The following OR14A2 variants were observed in gnomAD, a reference collection of about 807,000 sequenced individuals.
The protein encoded by OR14A2 is olfactory receptor 14A2.
For synonymous variants in OR14A2, 114 were observed against 58.6 expected, an observed-to-expected ratio of 1.95 and a Z score of -4.32; for missense variants, 237 against 152.9, an observed-to-expected ratio of 1.55 and a Z score of -2.90.
exon 1 of OR14A2, chr1:247,723,219 G>T: frequency 1.4e-6 from 1 of 717,678 alleles, no homozygotes; most frequent in Non-Finnish European, 2.6e-6. Context: ...TCACAGTGTA[G>T]ATCACAGAAA....
the OR14A2 span, chr1:247,739,450 C>T: frequency 2.6e-6 from 2 of 780,806 alleles, no homozygotes; most frequent in South Asian, 2.7e-5. Context: ...TATTCTGTCG[C>T]ACCTCCAACC....
upstream of OR14A2, among the ~76,000 whole-genome samples, chr1:247,728,298 T>C (rs1660434792): frequency 6.6e-6 from 1 of 152,032 alleles, no homozygotes; most frequent in African/African-American, 2.4e-5. Context: ...TAATCCAGCA[T>C]ATAAACAGAG....
the OR14A2 span, among the ~76,000 whole-genome samples, chr1:247,733,168 C>T: frequency 2.0e-5 from 3 of 152,132 alleles, no homozygotes; most frequent in Non-Finnish European, 4.4e-5. Context: ...CTGTGGCTTT[C>T]GTTCCTAGTG....
chr1:247,739,369 C>A, the OR14A2 span: 1 of 780,710 alleles, frequency 1.3e-6, no homozygotes, highest in African/African-American at 1.7e-5. Flanking sequence ...TTTCTTGTAA[C>A]AGGTGCTGTT....
the OR14A2 span, among the ~76,000 whole-genome samples, chr1:247,745,724 A>G: frequency 6.6e-5 from 10 of 152,334 alleles, no homozygotes; most frequent in East Asian, 1.5e-3. Flanking sequence ...AGACAAAAAA[A>G]TTAAAACAAA....
chr1:247,747,507 G>C, the OR14A2 span, among the ~76,000 whole-genome samples: 9 of 151,798 alleles, frequency 5.9e-5, no homozygotes, highest in South Asian at 2.1e-4. Flanking sequence ...AACTACAGGC[G>C]CTCGCCACCA....
At chr1:247,737,547 TG>T in the OR14A2 span, among the ~76,000 whole-genome samples, 15 of 152,114 alleles carry the variant, frequency 9.9e-5, no homozygotes, top group African/African-American at 3.1e-4. Context: ...TTTGACCTGC[TG>T]GGGAGAATAA....
At chr1:247,742,180 T>C in the OR14A2 span, among the ~76,000 whole-genome samples, 1 of 152,246 alleles carries the variant, frequency 6.6e-6, no homozygotes, top group Non-Finnish European at 1.5e-5. Flanking sequence ...TATTATTTTA[T>C]TTCAAATACC....
At chr1:247,732,255 A>G in the OR14A2 span, among the ~76,000 whole-genome samples, 9,506 of 152,160 alleles carry the variant, frequency 0.062, 316 homozygotes, top group African/African-American at 0.083. Context: ...CCAGAAAAAA[A>G]TAGGATCTAT....
chr1:247,729,986 CATT>C, the OR14A2 span, among the ~76,000 whole-genome samples: 1 of 152,000 alleles, frequency 6.6e-6, no homozygotes, highest in Non-Finnish European at 1.5e-5. Flanking sequence ...CCTTCATTAT[CATT>C]ATTTTTTAAT....
chr1:247,738,616 T>C, the OR14A2 span: 2 of 775,152 alleles, frequency 2.6e-6, no homozygotes, highest in East Asian at 2.4e-5. Context: ...TTTTGAACTA[T>C]GACCAATCAG....
At chr1:247,748,149 G>A in the OR14A2 span, among the ~76,000 whole-genome samples, 4 of 152,156 alleles carry the variant, frequency 2.6e-5, no homozygotes, top group South Asian at 2.1e-4. Context: ...ATTACATCAT[G>A]TTAGGAGGAA....
chr1:247,730,664 T>C, the OR14A2 span, among the ~76,000 whole-genome samples: 1 of 152,070 alleles, frequency 6.6e-6, no homozygotes, highest in East Asian at 1.9e-4. Flanking sequence ...ATAATATCTT[T>C]GGCATTTACA....
chr1:247,728,050 G>A (rs1267782795), upstream of OR14A2, among the ~76,000 whole-genome samples: 1 of 145,880 alleles, frequency 6.9e-6, no homozygotes, highest in Non-Finnish European at 1.5e-5. Flanking sequence ...AGAAAAAGAG[G>A]GAATCCTCCC....
At chr1:247,733,628 A>G in the OR14A2 span, among the ~76,000 whole-genome samples, 9 of 152,122 alleles carry the variant, frequency 5.9e-5, no homozygotes, top group South Asian at 1.2e-3. Context: ...TTCTATTGCA[A>G]TACTCTTTTT....
At chr1:247,733,190 G>T in the OR14A2 span, among the ~76,000 whole-genome samples, 1 of 152,076 alleles carries the variant, frequency 6.6e-6, no homozygotes, top group Non-Finnish European at 1.5e-5. Flanking sequence ...GCAGATCTTA[G>T]CTGTGACTCT....
the OR14A2 span, among the ~76,000 whole-genome samples, chr1:247,747,642 G>A: frequency 2.7e-3 from 411 of 152,226 alleles, 1 homozygote; most frequent in African/African-American, 9.7e-3. Context: ...GATTACAGGC[G>A]TGAGGCACCG....
the OR14A2 span, among the ~76,000 whole-genome samples, chr1:247,734,512 T>TA: frequency 6.6e-6 from 1 of 152,216 alleles, no homozygotes; most frequent in African/African-American, 2.4e-5. Flanking sequence ...TGTGTACTGA[T>TA]ATGTACTGAA....
chr1:247,730,642 C>T, the OR14A2 span, among the ~76,000 whole-genome samples: 1 of 151,970 alleles, frequency 6.6e-6, no homozygotes, highest in Admixed American at 6.6e-5. Flanking sequence ...ATAATGCACT[C>T]CTTCTTGTAA....
Sources: allele counts gnomAD v4.1 joint callset (sites outside exome capture counted in the v4.1 genomes callset), GRCh38; gene constraint gnomAD v4.1.1; transcripts MANE v1.5; gene names NCBI Gene and HGNC (gene_info 2026-07-23, HGNC 2026-07-21).